Variants in DMRT1 observed in about 807,000 individuals in gnomAD.
The protein encoded by DMRT1 is doublesex and mab-3 related transcription factor 1.
DMRT1 carries 7 observed loss-of-function variants against 32.3 expected under a neutral mutation model. That is an observed-to-expected ratio of 0.22 (90% confidence interval 0.12 to 0.41). The LOEUF (loss-of-function observed/expected upper bound fraction) is 0.41. DMRT1 is among the 10% of genes least tolerant of loss of function. DMRT1 has a pLI of 1.00. For missense variants in DMRT1, 625 were observed against 500.5 expected (o/e 1.25, Z -2.37); for synonymous variants, 278 against 206.1 (o/e 1.35, Z -2.99).
intron 2 of DMRT1, among the ~76,000 whole-genome samples, chr9:870,966 C>A (rs1008371920): frequency 6.6e-6 from 1 of 151,554 alleles, no homozygotes; most frequent in African/African-American, 2.4e-5. Context: ...CTCCTGACAC[C>A]CAAAGTGCGG....
chr9:901,147 T>G (rs1817557750), intron 3 of DMRT1, among the ~76,000 whole-genome samples: 1 of 152,138 alleles, frequency 6.6e-6, no homozygotes, highest in Admixed American at 6.5e-5. Context: ...CCTCAGTAGC[T>G]GAGGCTACAG....
At chr9:877,330 T>C (rs189665408) in intron 2 of DMRT1, among the ~76,000 whole-genome samples, 60 of 152,310 alleles carry the variant, frequency 3.9e-4, no homozygotes, top group African/African-American at 1.3e-3. Flanking sequence ...GAGGTATGTC[T>C]CACCCCCCTG....
chr9:895,751 C>G (rs1005138689), intron 3 of DMRT1, among the ~76,000 whole-genome samples: 25 of 151,336 alleles, frequency 1.7e-4, no homozygotes, highest in African/African-American at 5.8e-4. Context: ...TAAGTACAGT[C>G]ACCATGCTGT....
intron 4 of DMRT1, among the ~76,000 whole-genome samples, chr9:928,236 C>T (rs1818591551): frequency 6.6e-6 from 1 of 152,314 alleles, no homozygotes; most frequent in East Asian, 1.9e-4. Flanking sequence ...AAATAATATT[C>T]AGAGACAGCA....
At chr9:916,277 G>C (rs1350624389) in intron 3 of DMRT1, among the ~76,000 whole-genome samples, 1 of 152,182 alleles carries the variant, frequency 6.6e-6, no homozygotes, top group Non-Finnish European at 1.5e-5. Context: ...CCTTAAGATA[G>C]AAAGGGCACC....
intron 2 of DMRT1, among the ~76,000 whole-genome samples, chr9:851,135 C>T (rs1303448580): frequency 6.6e-6 from 1 of 151,930 alleles, no homozygotes; most frequent in Non-Finnish European, 1.5e-5. Flanking sequence ...GTAAAACCTA[C>T]CAACCTGGCA....
At chr9:844,078 G>T (rs57136577) in intron 1 of DMRT1, among the ~76,000 whole-genome samples, 2 of 152,106 alleles carry the variant, frequency 1.3e-5, no homozygotes, top group African/African-American at 2.4e-5. Context: ...GAACATGCTT[G>T]GGGGATTTCT....
chr9:964,530 TG>T (rs1335805286), intron 4 of DMRT1, among the ~76,000 whole-genome samples: 1 of 152,208 alleles, frequency 6.6e-6, no homozygotes, highest in East Asian at 1.9e-4. Context: ...TTTCAGTCTC[TG>T]CTGTGGTGTG....
rs1838715279 is a variant in DMRT1, at chr9:842,230, G to GTTGTTTTTTTTT, written c.354+40_354+41insGTTTTTTTTTTT. ...GTGCGGGAGCCCGGGTTCAGCCTTA[G>GTTGTTTTTTTTT]TTTTTTTTTTTTTTTTTTTTTTTAG... On this transcript the variant is annotated intron_variant, in intron 1 of 4. Coordinates refer to ENST00000382276, the MANE Select transcript of DMRT1 (RefSeq NM_021951.3). The GTTGTTTTTTTTT allele has an allele frequency of 4.7e-6, 6 of 1,267,106 alleles. No homozygotes were observed. In the African/African-American group the frequency reaches 1.3e-4, roughly 27 times the overall value. 78.5% of individuals were successfully genotyped at this position (1,267,106 alleles called of 1,614,324 possible).
chr9:878,297 G>T (rs1816594689), intron 2 of DMRT1, among the ~76,000 whole-genome samples: 1 of 148,768 alleles, frequency 6.7e-6, no homozygotes, highest in South Asian at 2.1e-4. Context: ...GAGGAGATGG[G>T]ACTGTGGGAG....
chr9:942,921 A>T (rs1193782854), intron 4 of DMRT1, among the ~76,000 whole-genome samples: 6 of 152,118 alleles, frequency 3.9e-5, no homozygotes, highest in Non-Finnish European at 7.4e-5. Context: ...CCCTTAAGGA[A>T]TGTGGCAAAT....
chr9:861,809 G>A (rs1002520174), intron 2 of DMRT1, among the ~76,000 whole-genome samples: 12 of 148,948 alleles, frequency 8.1e-5, no homozygotes, highest in South Asian at 2.1e-4. Flanking sequence ...GCCGGGCGGG[G>A]GGGGGCTCCT....
intron 4 of DMRT1, among the ~76,000 whole-genome samples, chr9:953,509 C>T (rs1169028105): frequency 2.0e-5 from 3 of 152,194 alleles, no homozygotes; most frequent in African/African-American, 7.2e-5. Flanking sequence ...GCCCCCCCGA[C>T]CTTTGATGAC....
intron 3 of DMRT1, among the ~76,000 whole-genome samples, chr9:908,093 TG>T (rs1317699653): frequency 2.0e-5 from 3 of 152,182 alleles, no homozygotes; most frequent in Non-Finnish European, 4.4e-5. Context: ...ATAAGCAAAA[TG>T]GACCACTAAT....
intron 3 of DMRT1, among the ~76,000 whole-genome samples, chr9:899,423 CT>C (rs1817489380): frequency 6.6e-6 from 1 of 152,168 alleles, no homozygotes; most frequent in Non-Finnish European, 1.5e-5. Context: ...GCCAAACCTC[CT>C]TAAAAAATAG....
At chr9:901,911 CTTTTT>C (rs34006231) in intron 3 of DMRT1, among the ~76,000 whole-genome samples, 5 of 114,306 alleles carry the variant, frequency 4.4e-5, no homozygotes, top group African/African-American at 6.6e-5. Flanking sequence ...GAAACTAGCC[CTTTTT>C]TTTTTTTTTT....
chr9:966,565 C>CT (rs1269786922), intron 4 of DMRT1, among the ~76,000 whole-genome samples: 2 of 152,128 alleles, frequency 1.3e-5, no homozygotes, highest in Admixed American at 1.3e-4. Context: ...ATCCATTTGT[C>CT]TATCTGTCTA....
At chr9:883,225 C>T (rs914024411) in intron 2 of DMRT1, among the ~76,000 whole-genome samples, 4 of 150,320 alleles carry the variant, frequency 2.7e-5, no homozygotes, top group African/African-American at 9.8e-5. Flanking sequence ...GAGTTCACAC[C>T]AAGAAAAAAA....
chr9:932,330 G>A (rs1459703749), intron 4 of DMRT1, among the ~76,000 whole-genome samples: 2 of 152,112 alleles, frequency 1.3e-5, no homozygotes, highest in South Asian at 4.2e-4. Context: ...GCAGAATTTG[G>A]GCCTCCACAC....
Sources: allele counts gnomAD v4.1 joint callset (sites outside exome capture counted in the v4.1 genomes callset), GRCh38; gene constraint gnomAD v4.1.1; transcripts MANE v1.5; gene names NCBI Gene and HGNC (gene_info 2026-07-23, HGNC 2026-07-21).